Variants in MTO1 observed in about 807,000 individuals in gnomAD.
The protein encoded by MTO1 is 5-taurinomethyluridine-[tRNA] synthase subunit MTO1, mitochondrial.
In MTO1, 46 loss-of-function variants were observed where a neutral mutation model predicts 71.6. That is an observed-to-expected ratio of 0.64 (90% CI 0.51 to 0.82). The LOEUF is 0.82. Ranked by LOEUF, MTO1 falls within the 40% of genes least tolerant of loss-of-function variation. MTO1 has a pLI of 0.00. For synonymous variants in MTO1, 297 were observed against 312.1 expected (o/e 0.95, Z 0.51); for missense variants, 773 against 867.5 (o/e 0.89, Z 1.37).
At position 73,497,890 on chromosome 6, in the gene MTO1, A is replaced by G. The variant is rs779445753; in HGVS notation, c.1911A>G (p.Pro637=). 1.4e-5 allele frequency: 23 copies of G among 1,608,106 alleles called. No homozygotes were observed. Among genetic ancestry groups the G allele is most frequent in the Non-Finnish European group, 2.0e-5 (23 of 1,175,644 alleles). Residue 637 remains proline (P), a synonymous_variant, in exon 11 of 12, where the codon CCA becomes CCG. Coordinates refer to ENST00000498286, the MANE Select transcript of MTO1 (RefSeq NM_012123.4). ...EVREKLHFSR[P]QTIGAASRIP... ...GAGAGAAACTACATTTTAGTCGTCCACAGACGGTAAGAAAATAGGCAGGAG... is the reference window on the plus strand; with the variant it reads ...GAGAGAAACTACATTTTAGTCGTCCGCAGACGGTAAGAAAATAGGCAGGAG...
chr6:73,462,815 G>T (rs904273574), intron 1 of MTO1, among the ~76,000 whole-genome samples: 1 of 152,050 alleles, frequency 6.6e-6, no homozygotes, highest in Non-Finnish European at 1.5e-5. Flanking sequence ...TAGAGACAGG[G>T]TCTCGCCATG....
chr6:73,490,674 G>A (rs972533827), intron 9 of MTO1, among the ~76,000 whole-genome samples: 2 of 151,612 alleles, frequency 1.3e-5, no homozygotes, highest in Non-Finnish European at 2.9e-5. Context: ...TTGATTATTT[G>A]GGGTTCCTTG....
In MTO1 at chr6:73,504,781, G is replaced by C. The variant is rs942852130; in HGVS notation, c.*4046G>C. The C allele has an allele frequency of 6.6e-6, 1 of 152,132 alleles. No homozygotes were observed. Among genetic ancestry groups the C allele is most frequent in the African/African-American group, 2.4e-5 (1 of 41,416 alleles). The allele number at this position is 152,132 out of a possible 1,614,324, so 9.4% of individuals were successfully genotyped here. A position where few individuals can be genotyped will look rare whatever the true frequency, so the allele number is the denominator to read the frequency against. Reference sequence around the variant, plus strand: ...ACGTACCTGTTGTTCCAGCAACTTGGGGGCTGAGGCAGGAGAATCACTTGA... The same window carrying C: ...ACGTACCTGTTGTTCCAGCAACTTGCGGGCTGAGGCAGGAGAATCACTTGA... On this transcript the variant is annotated 3_prime_UTR_variant, in exon 12 of 12. Coordinates refer to ENST00000498286, the MANE Select transcript of MTO1 (RefSeq NM_012123.4).
chr6:73,479,646 C>A, intron 4 of MTO1, 86 bp from the exon 5 acceptor site: 1 of 1,037,254 alleles, frequency 9.6e-7, no homozygotes, highest in Non-Finnish European at 1.4e-6. Flanking sequence ...CTATTAAAGT[C>A]AGTACGTATC....
chr6:73,479,521 TA>T (rs1771426630), intron 4 of MTO1, among the ~76,000 whole-genome samples: 1 of 152,116 alleles, frequency 6.6e-6, no homozygotes, highest in East Asian at 1.9e-4. Context: ...AAAAAAAAAT[TA>T]AACTGCTAGT....
chr6:73,468,152 C>T (rs1195942653), intron 3 of MTO1, among the ~76,000 whole-genome samples: 1 of 152,044 alleles, frequency 6.6e-6, no homozygotes, highest in Non-Finnish European at 1.5e-5. Flanking sequence ...GAGTCTGGCT[C>T]TGTTGCCTAG....
chr6:73,488,790 T>C (rs1475989385), intron 9 of MTO1, among the ~76,000 whole-genome samples: 3 of 151,788 alleles, frequency 2.0e-5, no homozygotes, highest in East Asian at 3.9e-4. Flanking sequence ...TGGTGGCACA[T>C]GTCTGTAGTC....
intron 9 of MTO1, among the ~76,000 whole-genome samples, 169 bp downstream of exon 9, chr6:73,482,789 CTTTTTTTTT>C (rs35121302): frequency 1.1e-5 from 1 of 92,148 alleles, no homozygotes; most frequent in Admixed American, 1.5e-4. Flanking sequence ...TTTTTTCTTT[CTTTTTTTTT>C]TTTTTTTTTT....
chr6:73,478,003 C>A (rs1771378328), intron 4 of MTO1, among the ~76,000 whole-genome samples: 1 of 152,052 alleles, frequency 6.6e-6, no homozygotes, highest in Admixed American at 6.6e-5. Context: ...GTAATCCCAG[C>A]ACTTTGGGAG....
At chr6:73,478,320 C>T (rs1409089653) in intron 4 of MTO1, among the ~76,000 whole-genome samples, 2 of 151,748 alleles carry the variant, frequency 1.3e-5, no homozygotes, top group Non-Finnish European at 2.9e-5. Flanking sequence ...TGACTCTCAC[C>T]TGTAATACCA....
rs539047478 is a variant in MTO1, at chr6:73,463,253, G to C, written c.217+1182G>C. Among the ~76,000 whole-genome samples the C allele has an allele frequency of 2.6e-5, 4 of 151,636 alleles. No individual in the cohort carries two copies. The East Asian group carries it at 5.8e-4, about 22-fold the overall frequency. ...TCACCATGTTAGCCAGGATGGTCTC[G>C]ATCTCCTGACCTTGTGATCCGCCCG... On this transcript the variant is annotated intron_variant, in intron 1 of 11. Coordinates refer to ENST00000498286, the MANE Select transcript of MTO1 (RefSeq NM_012123.4).
Position 73,507,352 on chromosome 6 carries a change from C to T in MTO1, c.*6617C>T, listed in dbSNP as rs1772316877. ...CTCTAAAAAATAAATGAAAATGTTT[C>T]TTATTGTGGATCACAGTCAAAAGTT... On this transcript the variant is annotated 3_prime_UTR_variant, in exon 12 of 12. Coordinates refer to ENST00000498286, the MANE Select transcript of MTO1 (RefSeq NM_012123.4). 6.6e-6 allele frequency: 1 copy of T among 152,138 alleles called. No individual in the cohort carries two copies. Among genetic ancestry groups the T allele is most frequent in the South Asian group, 2.1e-4 (1 of 4,828 alleles). 9.4% of individuals were successfully genotyped at this position (152,138 alleles called of 1,614,324 possible).
chr6:73,485,760 T>G (rs756918015), intron 9 of MTO1, among the ~76,000 whole-genome samples: 10 of 152,066 alleles, frequency 6.6e-5, no homozygotes, highest in African/African-American at 4.8e-5. Flanking sequence ...TTTAGCGAAC[T>G]CACTTGATCA....
intron 10 of MTO1, among the ~76,000 whole-genome samples, chr6:73,495,956 C>G (rs1364354946): frequency 6.6e-6 from 1 of 152,016 alleles, no homozygotes; most frequent in African/African-American, 2.4e-5. Context: ...TGGTAATTGC[C>G]CAAGATCACA....
chr6:73,470,657 CTGGGCATTA>C (rs1387576350), intron 3 of MTO1, among the ~76,000 whole-genome samples: 1 of 152,034 alleles, frequency 6.6e-6, no homozygotes, highest in Non-Finnish European at 1.5e-5. Context: ...TCTGTCTTAG[CTGGGCATTA>C]TGGGCATTAT....
At chr6:73,481,138 G>C (rs933131397) in intron 7 of MTO1, 5 of 299,824 alleles carry the variant, frequency 1.7e-5, no homozygotes, top group African/African-American at 9.0e-5. Flanking sequence ...ATTTTTAGTA[G>C]AGATATGGTT....
intron 1 of MTO1, 25 bp from the exon 2 acceptor site, chr6:73,466,179 ATTTAT>A: frequency 7.7e-6 from 12 of 1,565,412 alleles, no homozygotes; most frequent in Non-Finnish European, 1.1e-5. Context: ...GTGCTCATAT[ATTTAT>A]TTTGTTTATG....
At chr6:73,475,245 G>A (rs905010738) in intron 4 of MTO1, among the ~76,000 whole-genome samples, 1 of 151,892 alleles carries the variant, frequency 6.6e-6, no homozygotes. Context: ...TTACAGGCAT[G>A]AGCGACCGCA....
intron 4 of MTO1, among the ~76,000 whole-genome samples, chr6:73,476,709 A>G (rs1032721514): frequency 1.3e-5 from 2 of 152,108 alleles, no homozygotes; most frequent in Non-Finnish European, 2.9e-5. Flanking sequence ...CTATATCTCA[A>G]CTAAGCACAG....
Sources: allele counts gnomAD v4.1 joint callset (sites outside exome capture counted in the v4.1 genomes callset), GRCh38; gene constraint gnomAD v4.1.1; transcripts MANE v1.5; gene names NCBI Gene and HGNC (gene_info 2026-07-23, HGNC 2026-07-21).